NGLY1: variants seen among roughly 807,000 people sequenced by gnomAD.
NGLY1 encodes peptide-N(4)-(N-acetyl-beta-glucosaminyl)asparagine amidase.
In NGLY1, 68 loss-of-function variants were observed where a neutral mutation model predicts 84.6. The ratio of observed to expected loss-of-function variants is 0.80; its 90% confidence interval spans 0.66 to 0.98. The LOEUF is 0.98. NGLY1 is among the 50% of genes least tolerant of loss of function. The pLI is 0.00. For synonymous variants in NGLY1, 280 were observed against 275.2 expected (o/e 1.02, Z -0.17); for missense variants, 779 against 770.2 (o/e 1.01, Z -0.14).
intron 3 of NGLY1, among the ~76,000 whole-genome samples, chr3:25,758,286 A>C (rs1285081615): frequency 1.3e-5 from 2 of 152,174 alleles, no homozygotes; most frequent in Non-Finnish European, 1.5e-5. Context: ...AGTATTAATA[A>C]ATTTTTTGGT....
intron 3 of NGLY1, among the ~76,000 whole-genome samples, chr3:25,752,441 C>T (rs963555132): frequency 1.8e-4 from 28 of 151,836 alleles, no homozygotes; most frequent in Admixed American, 4.6e-4. Context: ...AGGCTGGTCT[C>T]GAACTCCTGA....
chr3:25,747,644 C>T (rs111526135), intron 4 of NGLY1, among the ~76,000 whole-genome samples: 41 of 152,216 alleles, frequency 2.7e-4, no homozygotes, highest in African/African-American at 9.6e-4. Flanking sequence ...AATACTCTCA[C>T]CTTTAAAACA....
At chr3:25,764,830 C>T (rs1397979492) in intron 2 of NGLY1, among the ~76,000 whole-genome samples, 1 of 152,140 alleles carries the variant, frequency 6.6e-6, no homozygotes, top group Non-Finnish European at 1.5e-5. Context: ...TGATTAGAAG[C>T]CTGTGTATGG....
At chr3:25,771,530 A>G (rs1193443525) in intron 2 of NGLY1, among the ~76,000 whole-genome samples, 2 of 151,942 alleles carry the variant, frequency 1.3e-5, no homozygotes, top group Non-Finnish European at 2.9e-5. Flanking sequence ...GGCTGCTTTT[A>G]AAAATTTTAG....
intron 3 of NGLY1, among the ~76,000 whole-genome samples, chr3:25,753,655 A>G (rs1352310903): frequency 6.6e-6 from 1 of 152,150 alleles, no homozygotes; most frequent in Non-Finnish European, 1.5e-5. Flanking sequence ...TTTCAGGTCA[A>G]TAATTAAAAG....
At chr3:25,749,545 T>C in intron 4 of NGLY1, 1 of 1,582,722 alleles carries the variant, frequency 6.3e-7, no homozygotes, top group Non-Finnish European at 8.6e-7. Context: ...AACCAAGAAG[T>C]TCATCCGGCA....
chr3:25,732,908 G>A (rs1028275883), intron 8 of NGLY1, among the ~76,000 whole-genome samples: 1 of 152,198 alleles, frequency 6.6e-6, no homozygotes, highest in Non-Finnish European at 1.5e-5. Context: ...AACTTGAGAA[G>A]TCAAGATTCC....
chr3:25,756,283 C>T (rs1707031945), intron 3 of NGLY1, among the ~76,000 whole-genome samples: 1 of 152,156 alleles, frequency 6.6e-6, no homozygotes, highest in Admixed American at 6.5e-5. Context: ...TGTAAAAGGC[C>T]ATACCTGGAA....
intron 2 of NGLY1, among the ~76,000 whole-genome samples, chr3:25,775,125 C>T (rs1708095109): frequency 6.6e-6 from 1 of 152,262 alleles, no homozygotes; most frequent in African/African-American, 2.4e-5. Context: ...TTTCCTCTGT[C>T]TCATGGAATT....
At chr3:25,776,065 C>T (rs372255181) in intron 2 of NGLY1, among the ~76,000 whole-genome samples, 4 of 152,126 alleles carry the variant, frequency 2.6e-5, no homozygotes, top group Non-Finnish European at 5.9e-5. Context: ...TGTCTAAAGC[C>T]GAACAGAAAC....
chr3:25,740,100 A>T (rs1706055185), intron 4 of NGLY1, among the ~76,000 whole-genome samples: 1 of 152,242 alleles, frequency 6.6e-6, no homozygotes, highest in Non-Finnish European at 1.5e-5. Context: ...GTCAGTTAGG[A>T]ATTGATCCTG....
chr3:25,743,868 C>CA (rs1706279807), intron 4 of NGLY1, among the ~76,000 whole-genome samples: 1 of 152,104 alleles, frequency 6.6e-6, no homozygotes, highest in South Asian at 2.1e-4. Context: ...AATTAAGGGT[C>CA]AATGTTCCTC....
At chr3:25,779,722 T>G (rs1708323371) in intron 1 of NGLY1, among the ~76,000 whole-genome samples, 1 of 152,246 alleles carries the variant, frequency 6.6e-6, no homozygotes, top group Admixed American at 6.5e-5. Context: ...AATATTTTAA[T>G]TTTATAAGTT....
chr3:25,782,362 T>C (rs1474380908), intron 1 of NGLY1, among the ~76,000 whole-genome samples: 2 of 152,168 alleles, frequency 1.3e-5, no homozygotes, highest in Non-Finnish European at 2.9e-5. Flanking sequence ...CACGGTGACC[T>C]GATAAATGAG....
chr3:25,755,266 C>A, intron 3 of NGLY1: 5 of 1,377,786 alleles, frequency 3.6e-6, no homozygotes, highest in Non-Finnish European at 5.2e-6. Context: ...GACCTAGACT[C>A]CCACCTGATA....
chr3:25,766,860 A>G (rs1026555165), intron 2 of NGLY1, among the ~76,000 whole-genome samples: 1 of 152,218 alleles, frequency 6.6e-6, no homozygotes, highest in African/African-American at 2.4e-5. Flanking sequence ...CCTTCCCTTC[A>G]GTCCCTTTAC....
chr3:25,728,474 C>G (rs952612784), intron 10 of NGLY1, among the ~76,000 whole-genome samples: 1 of 152,070 alleles, frequency 6.6e-6, no homozygotes, highest in Non-Finnish European at 1.5e-5. Flanking sequence ...ATGTGAATAG[C>G]TTTAAGTTTA....
intron 1 of NGLY1, among the ~76,000 whole-genome samples, chr3:25,778,921 C>T (rs1247633226): frequency 1.9e-5 from 2 of 106,862 alleles, no homozygotes; most frequent in African/African-American, 3.4e-5. Context: ...GTTTAAGATA[C>T]ATTCTTTTTT....
In NGLY1 at chr3:25,733,466, CGTGTGTGTGTGTGTGT is replaced by C. The variant is rs60529800; in HGVS notation, c.1260+390_1260+405del. Among the ~76,000 whole-genome samples the C allele has an allele frequency of 2.7e-3, 361 of 134,210 alleles. 3 individuals carry two copies. Among genetic ancestry groups the C allele is most frequent in the Middle Eastern group, 7.9e-3 (2 of 252 alleles). The allele number at this position is 134,210 out of a possible 152,430, so 88.0% of individuals were successfully genotyped here. A position where few individuals can be genotyped will look rare whatever the true frequency, so the allele number is the denominator to read the frequency against. ...TGCTTCAGAAATTTCCTCACATGGA[CGTGTGTGTGTGTGTGT>C]GTGTGTGTGTGTGTGTGTGTGTGTG... On this transcript the variant is annotated intron_variant, in intron 8 of 11. Coordinates refer to ENST00000280700, the MANE Select transcript of NGLY1 (RefSeq NM_018297.4).
Sources: allele counts gnomAD v4.1 joint callset (sites outside exome capture counted in the v4.1 genomes callset), GRCh38; gene constraint gnomAD v4.1.1; transcripts MANE v1.5; gene names NCBI Gene and HGNC (gene_info 2026-07-23, HGNC 2026-07-21).